Variants in WDR20 observed in about 807,000 individuals in gnomAD.
WDR20 encodes the protein WD repeat-containing protein 20.
WDR20 carries 3 observed loss-of-function variants against 38.7 expected under a neutral mutation model. The ratio of observed to expected loss-of-function variants is 0.08; its 90% CI spans 0.04 to 0.20. The LOEUF is 0.20. Among genes scored for constraint, WDR20 ranks in the 10% least tolerant of loss-of-function variants. The pLI, the probability that WDR20 is intolerant of heterozygous loss-of-function variation, is 1.00. For synonymous variants in WDR20, 298 were observed against 285.6 expected, an observed-to-expected ratio of 1.04 and a Z score of -0.44; for missense variants, 559 against 727.7, an observed-to-expected ratio of 0.77 and a Z score of 2.67.
intron 1 of WDR20, among the ~76,000 whole-genome samples, chr14:102,145,108 T>C (rs978904496): frequency 1.3e-5 from 2 of 152,230 alleles, no homozygotes; most frequent in Non-Finnish European, 2.9e-5. Flanking sequence ...TCTTTCCTGC[T>C]CTCCATCTTC....
intron 1 of WDR20, among the ~76,000 whole-genome samples, chr14:102,164,910 C>G (rs757671135): frequency 6.6e-6 from 1 of 152,194 alleles, no homozygotes; most frequent in Non-Finnish European, 1.5e-5. Context: ...AAAGGAAAAA[C>G]TATTTATTGC....
intron 2 of WDR20, among the ~76,000 whole-genome samples, chr14:102,204,576 G>A (rs1264350366): frequency 1.3e-5 from 2 of 152,148 alleles, no homozygotes; most frequent in Non-Finnish European, 2.9e-5. Flanking sequence ...CTGGATGGAT[G>A]GATGGGACTT....
At chr14:102,142,018 G>A (rs1213739662) in intron 1 of WDR20, among the ~76,000 whole-genome samples, 1 of 152,078 alleles carries the variant, frequency 6.6e-6, no homozygotes, top group African/African-American at 2.4e-5. Flanking sequence ...TTTCTTGCCT[G>A]GAAGTATCAT....
intron 1 of WDR20, among the ~76,000 whole-genome samples, chr14:102,166,482 A>G (rs930502731): frequency 6.6e-6 from 1 of 152,188 alleles, no homozygotes; most frequent in Non-Finnish European, 1.5e-5. Context: ...TACTGTTCAC[A>G]TGTCCATATC....
chr14:102,186,537 C>A (rs993609225), intron 1 of WDR20, among the ~76,000 whole-genome samples: 6 of 152,006 alleles, frequency 3.9e-5, no homozygotes, highest in African/African-American at 9.7e-5. Context: ...TGCCTCCCCC[C>A]ACAACACCCC....
downstream of WDR20, chr14:102,224,695 G>A (rs1354198462): frequency 1.1e-5 from 5 of 456,000 alleles, no homozygotes; most frequent in East Asian, 6.9e-5. Context: ...AGTTTTCTTC[G>A]GAGGAGACAT....
downstream of WDR20, among the ~76,000 whole-genome samples, chr14:102,219,070 C>T (rs1444478836): frequency 6.6e-6 from 1 of 152,156 alleles, no homozygotes; most frequent in African/African-American, 2.4e-5. Context: ...CACGGATGAC[C>T]ATTTGGGCAG....
chr14:102,219,746 G>A (rs908935495), downstream of WDR20, among the ~76,000 whole-genome samples: 21 of 152,362 alleles, frequency 1.4e-4, no homozygotes, highest in East Asian at 2.5e-3. Flanking sequence ...TCTGCATGGC[G>A]ATGCATTCTA....
chr14:102,177,282 C>T (rs1054207934), intron 1 of WDR20, among the ~76,000 whole-genome samples: 2 of 152,234 alleles, frequency 1.3e-5, no homozygotes, highest in South Asian at 4.1e-4. Flanking sequence ...CATATTTCTA[C>T]TTGCCAATGC....
At chr14:102,152,211 C>T (rs952755506) in intron 1 of WDR20, among the ~76,000 whole-genome samples, 1 of 151,808 alleles carries the variant, frequency 6.6e-6, no homozygotes, top group Non-Finnish European at 1.5e-5. Flanking sequence ...CCACTGAACC[C>T]TGGCCCATGA....
intron 1 of WDR20, chr14:102,191,413 C>G (rs2066381313): frequency 6.5e-6 from 1 of 152,810 alleles, no homozygotes; most frequent in African/African-American, 2.4e-5. Context: ...ACCCCATCCC[C>G]CGCCCCCCAG....
rs146592258 is a variant in WDR20 at position 102,198,259 on chromosome 14, C to G, written c.432+3139C>G. The G allele has an allele frequency of 2.2e-3, 712 of 320,706 alleles. 6 individuals carry two copies. The highest frequency in any genetic ancestry group is 0.015 in the African/African-American group (653 of 44,608). The allele number at this position is 320,706 out of a possible 1,614,324, so 19.9% of individuals were successfully genotyped here. ...TTCTTGTGCCTCACCCACCCAAGTA[C>G]CTGGGATTATAGGCCACCTGACTAA... On this transcript the variant is annotated intron_variant, in intron 2 of 2. Coordinates refer to ENST00000342702, the MANE Select transcript of WDR20 (RefSeq NM_144574.4).
intron 2 of WDR20, among the ~76,000 whole-genome samples, chr14:102,197,168 A>G (rs548671147): frequency 6.6e-6 from 1 of 152,326 alleles, no homozygotes; most frequent in South Asian, 2.1e-4. Flanking sequence ...CAAAGAGCAC[A>G]TAAGTGAATT....
downstream of WDR20, among the ~76,000 whole-genome samples, chr14:102,218,093 C>T (rs940840227): frequency 6.6e-6 from 1 of 152,230 alleles, no homozygotes; most frequent in African/African-American, 2.4e-5. Flanking sequence ...TCTTGTGGTA[C>T]TTTGTCCACG....
chr14:102,222,789 C>T lies in WDR20; in HGVS notation c.1693-41C>T. 6.2e-7 allele frequency: 1 copy of T among 1,613,236 alleles called. No homozygotes were observed. Among genetic ancestry groups the T allele is most frequent in the Non-Finnish European group, 8.5e-7 (1 of 1,179,286 alleles). On this transcript the variant is annotated intron_variant, in intron 3 of 3. Transcript: ENST00000335263. This position sits in a 1 kb window ranked among gnomAD's most constrained non-coding sequence, Gnocchi z 4.4. ...GGCGCGCATGGTGGCTGTTGCCCGT[C>T]CGGTGTTTTGCTGGATTAATGTAGA... is the stretch of plus-strand genomic sequence containing the variant.
intron 2 of WDR20, among the ~76,000 whole-genome samples, chr14:102,200,270 A>G (rs1164231417): frequency 6.6e-6 from 1 of 152,210 alleles, no homozygotes; most frequent in Non-Finnish European, 1.5e-5. Context: ...CGTTCTGTAC[A>G]TATGATGCCC....
downstream of WDR20, chr14:102,212,841 G>T (rs558716298): frequency 3.9e-6 from 5 of 1,296,490 alleles, no homozygotes; most frequent in Non-Finnish European, 4.9e-6. Context: ...CAGCCTAAAC[G>T]TTATTATGAG....
At chr14:102,177,212 C>T (rs1348248967) in intron 1 of WDR20, among the ~76,000 whole-genome samples, 2 of 152,226 alleles carry the variant, frequency 1.3e-5, no homozygotes, top group Non-Finnish European at 2.9e-5. Flanking sequence ...TGAGCTGAGA[C>T]CATTGTTTTC....
downstream of WDR20, among the ~76,000 whole-genome samples, chr14:102,223,901 A>G (rs547794500): frequency 6.6e-6 from 1 of 152,300 alleles, no homozygotes; most frequent in South Asian, 2.1e-4. Flanking sequence ...ACGTCTGCAC[A>G]GGGCTTCAGG....
Sources: gnomAD v4.1 joint callset for allele counts (sites outside exome capture counted in the v4.1 genomes callset) on GRCh38, gnomAD v4.1.1 for gene constraint, Gnocchi (gnomAD v3.1) non-coding constraint, MANE v1.5 for transcripts, NCBI Gene and HGNC (gene_info 2026-07-23, HGNC 2026-07-21) for gene names.